RHBDD1: variants seen among roughly 807,000 people sequenced by gnomAD.
RHBDD1 encodes rhomboid domain containing 1, also known as rhomboid-related protein 4.
A neutral mutation model predicts 36.3 loss-of-function variants in RHBDD1; 38 were observed. The observed-to-expected ratio is 1.05, with a 90% CI of 0.81 to 1.37. RHBDD1 has a LOEUF of 1.37. Ranked by LOEUF, RHBDD1 falls within the 40% of genes most tolerant of loss-of-function variation. RHBDD1 has a pLI of 0.00. For missense variants in RHBDD1, 393 were observed against 377.6 expected (o/e 1.04, Z -0.34); for synonymous variants, 151 against 136.5 (o/e 1.11, Z -0.74).
At chr2:226,933,789 A>G (rs1950174787) in intron 8 of RHBDD1, among the ~76,000 whole-genome samples, 1 of 152,138 alleles carries the variant, frequency 6.6e-6, no homozygotes, top group East Asian at 1.9e-4. Context: ...CCAGCTTTCT[A>G]CATCCCAAGA....
At chr2:226,847,924 G>A (rs1266041244) in intron 3 of RHBDD1, among the ~76,000 whole-genome samples, 1 of 152,172 alleles carries the variant, frequency 6.6e-6, no homozygotes, top group East Asian at 1.9e-4. Flanking sequence ...GGAACGCCTT[G>A]CAACTCCCCA....
chr2:226,942,813 C>CT, intron 8 of RHBDD1, among the ~76,000 whole-genome samples: 1 of 151,950 alleles, frequency 6.6e-6, no homozygotes, highest in East Asian at 1.9e-4. Context: ...AATAGTTTTC[C>CT]TTTTAGAAAA....
At chr2:226,967,188 A>G (rs943773206) in intron 8 of RHBDD1, among the ~76,000 whole-genome samples, 2 of 152,136 alleles carry the variant, frequency 1.3e-5, no homozygotes, top group Admixed American at 6.5e-5. Context: ...TAAATCCCAC[A>G]TAACAAATAT....
chr2:226,948,253 TCA>T (rs1232810266), intron 8 of RHBDD1, among the ~76,000 whole-genome samples: 1 of 148,004 alleles, frequency 6.8e-6, no homozygotes, highest in Non-Finnish European at 1.5e-5. Flanking sequence ...AATGATGAGT[TCA>T]TGTCCTTTGT....
chr2:226,995,390 C>T (rs967589276), intron 8 of RHBDD1, 41 bp from the exon 9 acceptor site: 14 of 1,303,578 alleles, frequency 1.1e-5, no homozygotes, highest in African/African-American at 7.3e-5. Context: ...TGCCTTGTCA[C>T]GTCAGAATGA....
At chr2:226,991,906 C>T (rs557545906) in intron 8 of RHBDD1, among the ~76,000 whole-genome samples, 7 of 152,274 alleles carry the variant, frequency 4.6e-5, no homozygotes, top group African/African-American at 1.4e-4. Context: ...GGTGTCTCCA[C>T]GAGTCCCAGG....
intron 5 of RHBDD1, among the ~76,000 whole-genome samples, chr2:226,877,409 G>A (rs972441882): frequency 3.9e-5 from 6 of 152,162 alleles, no homozygotes; most frequent in African/African-American, 1.4e-4. Context: ...TTGGGAAGCT[G>A]TCAAGCTCAC....
In RHBDD1 at chr2:226,876,812, CAT is replaced by C. The variant is rs140118259; in HGVS notation, c.566+9496_566+9497del. Among the ~76,000 whole-genome samples the C allele has an allele frequency of 5.6e-3, 859 of 152,262 alleles. 10 individuals are homozygous for C. Among genetic ancestry groups the C allele is most frequent in the African/African-American group, 0.02 (811 of 41,540 alleles). ...TAATATAATTCATTAACATTCATAA[CAT>C]AATTTATCAATAATTCATTTTAAAT... On this transcript the variant is annotated intron_variant, in intron 5 of 8. Coordinates refer to ENST00000392062, the MANE Select transcript of RHBDD1 (RefSeq NM_001167608.3).
chr2:226,826,372 T>C, the RHBDD1 span, among the ~76,000 whole-genome samples: 2 of 152,208 alleles, frequency 1.3e-5, no homozygotes, highest in East Asian at 1.9e-4. Context: ...TAGTGAAAAT[T>C]GATATGCAAT....
chr2:226,844,867 G>T (rs976907646), intron 3 of RHBDD1, among the ~76,000 whole-genome samples: 1 of 152,164 alleles, frequency 6.6e-6, no homozygotes, highest in Non-Finnish European at 1.5e-5. Context: ...AATTCACCTA[G>T]CAGTGGAGCA....
chr2:226,845,029 T>A (rs1340205619), intron 3 of RHBDD1, among the ~76,000 whole-genome samples: 1 of 152,188 alleles, frequency 6.6e-6, no homozygotes. Context: ...ATTTTTTTTT[T>A]CTTCCTAAAA....
At chr2:226,834,551 T>C (rs1363768112), upstream of RHBDD1, among the ~76,000 whole-genome samples, 4 of 152,242 alleles carry the variant, frequency 2.6e-5, no homozygotes, top group Non-Finnish European at 5.9e-5. Context: ...CATTTTCACT[T>C]AAATTTCAAA....
At chr2:226,808,032 C>G in the RHBDD1 span, among the ~76,000 whole-genome samples, 660 of 152,038 alleles carry the variant, frequency 4.3e-3, 12 homozygotes, top group East Asian at 0.075. Context: ...AAAAGAGACA[C>G]TCTGGAAGCT....
intron 3 of RHBDD1, among the ~76,000 whole-genome samples, chr2:226,856,080 A>G (rs113631315): frequency 1.3e-5 from 2 of 152,322 alleles, no homozygotes; most frequent in Non-Finnish European, 2.9e-5. Flanking sequence ...CTATACCCCC[A>G]GGACTCCCTG....
chr2:226,847,065 T>TG (rs1302396243), intron 3 of RHBDD1, among the ~76,000 whole-genome samples: 1 of 152,258 alleles, frequency 6.6e-6, no homozygotes, highest in Non-Finnish European at 1.5e-5. Flanking sequence ...AACTGATAGA[T>TG]GTTTGAAATG....
chr2:226,993,696 A>G (rs1443945954), intron 8 of RHBDD1, among the ~76,000 whole-genome samples: 1 of 152,194 alleles, frequency 6.6e-6, no homozygotes, highest in Non-Finnish European at 1.5e-5. Flanking sequence ...AGAATCAGTT[A>G]TGGGGAAGCA....
At chr2:226,983,888 T>C (rs558284729) in intron 8 of RHBDD1, among the ~76,000 whole-genome samples, 1 of 152,340 alleles carries the variant, frequency 6.6e-6, no homozygotes, top group South Asian at 2.1e-4. Flanking sequence ...TCAAAAATGC[T>C]TCTTTATACC....
intron 8 of RHBDD1, among the ~76,000 whole-genome samples, chr2:226,987,010 A>G (rs1044522018): frequency 2.0e-5 from 3 of 152,246 alleles, no homozygotes; most frequent in Non-Finnish European, 2.9e-5. Flanking sequence ...AAAAAGAATG[A>G]GTTCATGTCC....
In RHBDD1 at chr2:226,864,877, C is replaced by A. The variant is rs1462759180; in HGVS notation, c.184C>A (p.Gln62Lys). 1.2e-6 allele frequency: 2 copies of A among 1,614,206 alleles called. No individual in the cohort carries two copies. Among genetic ancestry groups the A allele is most frequent in the East Asian group, 2.2e-5 (1 of 44,886 alleles). ...SCLSVEKCYQ[Q>K]KDWQRLLLSP... ...CCTTAGTGTGGAGAAGTGTTACCAG[C>A]AAAAAGACTGGCAGCGTTTACTGCT... The change falls in exon 4 of 9, where the codon CAA (glutamine) becomes AAA (lysine). Residue 62 changes from glutamine (Q) to lysine (K), a missense_variant. Gln to Lys is a moderately conservative substitution (Grantham distance 53). Coordinates refer to ENST00000392062, the MANE Select transcript of RHBDD1 (RefSeq NM_001167608.3).
Sources: allele counts gnomAD v4.1 joint callset (sites outside exome capture counted in the v4.1 genomes callset), GRCh38; gene constraint gnomAD v4.1.1; transcripts MANE v1.5; gene names NCBI Gene and HGNC (gene_info 2026-07-23, HGNC 2026-07-21).